OPRL1: variants seen among roughly 807,000 people sequenced by gnomAD.
OPRL1 encodes opioid related nociceptin receptor 1.
OPRL1 carries 5 observed loss-of-function variants against 15.5 expected under a neutral mutation model. That is an observed-to-expected ratio of 0.32 (90% confidence interval 0.17 to 0.68). The LOEUF (loss-of-function observed/expected upper bound fraction) is 0.68, where lower values mean the gene tolerates loss of function less well. Among genes scored for constraint, OPRL1 ranks in the 30% least tolerant of loss-of-function variants. OPRL1 has a pLI of 0.72. For synonymous variants in OPRL1, 223 were observed against 230.2 expected (o/e 0.97, Z 0.28); for missense variants, 406 against 515.3 (o/e 0.79, Z 2.05).
chr20:64,090,383 G>A lies in OPRL1; in HGVS notation c.-184-1583G>A, dbSNP rs1476184150. On this transcript the variant is annotated intron_variant, in intron 1 of 4. Transcript: ENST00000336866. This position sits in a 1 kb window ranked among gnomAD's most constrained non-coding sequence, Gnocchi z 4.9. Reference sequence around the variant, plus strand: ...TCCTGGGGGACAGCGAGGGATGCTGGGTCCTGGGGCATCTGCCTGTTCCGT... The same window carrying A: ...TCCTGGGGGACAGCGAGGGATGCTGAGTCCTGGGGCATCTGCCTGTTCCGT... Among the ~76,000 whole-genome samples the A allele has an allele frequency of 6.6e-6, 1 of 152,190 alleles. No homozygotes were observed. The highest frequency in any genetic ancestry group is 1.5e-5 in the Non-Finnish European group (1 of 68,034).
In OPRL1 at chr20:64,089,123, G is replaced by A. The variant is rs1156685566; in HGVS notation, c.-184-2843G>A. On this transcript the variant is annotated intron_variant, in intron 1 of 4. Transcript: ENST00000336866. This position sits in a 1 kb window ranked among gnomAD's most constrained non-coding sequence, Gnocchi z 5.5. ...TAGGCTGTTCAGCATGCCAGGGTCTGTGCTGGGGGTTTGCCGCAGGCACAA... is the reference window on the plus strand; with the variant it reads ...TAGGCTGTTCAGCATGCCAGGGTCTATGCTGGGGGTTTGCCGCAGGCACAA... Among the ~76,000 whole-genome samples, 3 of 152,080 alleles carry A rather than the reference G, an allele frequency of 2.0e-5. No individual in the cohort carries two copies. Among genetic ancestry groups the A allele is most frequent in the African/African-American group, 7.2e-5 (3 of 41,390 alleles).
chr20:64,096,792 C>T (rs1979166462), intron 3 of OPRL1, among the ~76,000 whole-genome samples: 1 of 151,796 alleles, frequency 6.6e-6, no homozygotes. Context: ...TCACCATCCT[C>T]ACCATCCTCA....
chr20:64,082,114 T>C (rs2059973712), intron 1 of OPRL1, among the ~76,000 whole-genome samples: 1 of 152,030 alleles, frequency 6.6e-6, no homozygotes, highest in South Asian at 2.1e-4. Context: ...CTGCAGGGAG[T>C]TTGGCCAGAC....
Position 64,083,738 on chromosome 20 carries a change from G to GC in OPRL1, c.-185+3390dup. ...GCCCGGGTAGCTGAGCGCGCGCCGA[G>GC]CCCCGCCCCGCCCCGCCCCGGCCGG... On this transcript the variant is annotated intron_variant, in intron 1 of 4. Transcript: ENST00000336866. This position sits in a 1 kb window ranked among gnomAD's most constrained non-coding sequence, Gnocchi z 4.9. 7.5e-7 allele frequency: 1 copy of GC among 1,326,752 alleles called. No homozygotes were observed. The highest frequency in any genetic ancestry group is 9.6e-7 in the Non-Finnish European group (1 of 1,042,688). The allele number at this position is 1,326,752 out of a possible 1,614,324, so 82.2% of individuals were successfully genotyped here.
In OPRL1 at chr20:64,099,603, C is replaced by T. The variant is rs1979599279; in HGVS notation, c.*804C>T. 1 of 152,700 alleles carries T rather than the reference C, an allele frequency of 6.5e-6. No individual in the cohort carries two copies. Among genetic ancestry groups the T allele is most frequent in the Non-Finnish European group, 1.5e-5 (1 of 68,430 alleles). The allele number at this position is 152,700 out of a possible 1,614,324, so 9.5% of individuals were successfully genotyped here. Reference sequence around the variant, plus strand: ...CAACCCCCATTTCCCTTCAGGAGACCAGCGAGAGGCCCTGGCCCATTCCCT... The same window carrying T: ...CAACCCCCATTTCCCTTCAGGAGACTAGCGAGAGGCCCTGGCCCATTCCCT... On this transcript the variant is annotated 3_prime_UTR_variant, in exon 5 of 5. Transcript: ENST00000336866.
chr20:64,086,565 G>A (rs1268565802), intron 1 of OPRL1: 1 of 197,600 alleles, frequency 5.1e-6, no homozygotes, highest in Non-Finnish European at 1.2e-5. Context: ...GTTTATTGCT[G>A]CCAAGGCCTG....
chr20:64,086,884 G>T (rs2060057777), intron 1 of OPRL1, among the ~76,000 whole-genome samples: 1 of 152,188 alleles, frequency 6.6e-6, no homozygotes, highest in Admixed American at 6.5e-5. Context: ...TGTGGAAGGA[G>T]GAGGGTAGAC....
At chr20:64,081,628 C>T (rs979940401) in intron 1 of OPRL1, among the ~76,000 whole-genome samples, 1 of 152,198 alleles carries the variant, frequency 6.6e-6, no homozygotes. Context: ...CAGTTGATGG[C>T]GGAGCTGGGA....
intron 1 of OPRL1, chr20:64,084,223 C>T (rs775015087): frequency 7.9e-6 from 11 of 1,398,244 alleles, no homozygotes; most frequent in Non-Finnish European, 1.0e-5. Flanking sequence ...GCGGCATCCT[C>T]CCGCCCTGCG....
rs149714677 is a variant in OPRL1, at chr20:64,080,723, T to G, written c.-185+371T>G. On this transcript the variant is annotated intron_variant, in intron 1 of 4. Coordinates refer to ENST00000336866, the MANE Select transcript of OPRL1 (RefSeq NM_182647.4). ...TGTGTCAGGGTGGCCCTGACCCTGC[T>G]CTGGAAGTGTCTGCAGAGCATCTGT... 6.1e-4 allele frequency among the ~76,000 whole-genome samples: 93 copies of G among 152,214 alleles called. 2 individuals are homozygous for G. In the East Asian group the frequency reaches 0.016, roughly 26 times the overall value.
In OPRL1 at chr20:64,100,111, G is replaced by GC. The variant is rs1201963831; in HGVS notation, c.*1312_*1313insC. 4.5e-5 allele frequency: 4 copies of GC among 88,788 alleles called. No individual in the cohort carries two copies. The highest frequency in any genetic ancestry group is 2.1e-4 in the African/African-American group (4 of 19,442). 5.5% of individuals were successfully genotyped at this position (88,788 alleles called of 1,614,324 possible). A position where few individuals can be genotyped will look rare whatever the true frequency, so the allele number is the denominator to read the frequency against. Reference sequence around the variant, plus strand: ...GGCTGTGAGGACACTGCGGGGGTTGGGGGGGGGGCGTCTGTACCTCAGGGG... The same window carrying GC: ...GGCTGTGAGGACACTGCGGGGGTTGGCGGGGGGGGCGTCTGTACCTCAGGGG... On this transcript the variant is annotated 3_prime_UTR_variant, in exon 5 of 5. Coordinates refer to ENST00000336866, the MANE Select transcript of OPRL1 (RefSeq NM_182647.4).
rs1373981643 is a variant in OPRL1 at position 64,088,935 on chromosome 20, G to C, written c.-184-3031G>C. Among the ~76,000 whole-genome samples, 11 of 57,032 alleles carry C rather than the reference G, an allele frequency of 1.9e-4. 2 individuals are homozygous for C. Among genetic ancestry groups the C allele is most frequent in the African/African-American group, 2.5e-4 (4 of 15,962 alleles). 37.4% of individuals were successfully genotyped at this position (57,032 alleles called of 152,430 possible). On this transcript the variant is annotated intron_variant, in intron 1 of 4. Transcript: ENST00000336866. ...AGAGTGGCCAGGATCTGTGCAAGGG[G>C]TAGGATCTGTGCAGAGTGGCCAGGG...
At position 64,080,088 on chromosome 20, in the gene OPRL1, C is replaced by A; in HGVS notation, c.-449C>A. The A allele has an allele frequency of 1.3e-5, 2 of 149,916 alleles. No homozygotes were observed. The highest frequency in any genetic ancestry group is 3.8e-4 in the South Asian group (2 of 5,272). 9.3% of individuals were successfully genotyped at this position (149,916 alleles called of 1,614,324 possible). On this transcript the variant is annotated 5_prime_UTR_variant, in exon 1 of 5. Transcript: ENST00000336866. The stretch of plus-strand genomic sequence containing the variant: ...TCGGCCGGCTCCGCACCCCACCCGC[C>A]CCGCCCGCGCGTCGGCCCCCACAGT...
intron 1 of OPRL1, among the ~76,000 whole-genome samples, chr20:64,080,657 C>T (rs1295998316): frequency 6.6e-6 from 1 of 152,192 alleles, no homozygotes; most frequent in East Asian, 1.9e-4. Context: ...TGACTCGGTA[C>T]AGACGTGGGT....
chr20:64,084,292 G>T (rs1397566825), intron 1 of OPRL1: 65 of 1,304,982 alleles, frequency 5.0e-5, no homozygotes, highest in Non-Finnish European at 6.1e-5. Context: ...CCGCCCCTCG[G>T]CAGGGCCCCA....
At chr20:64,081,054 G>T (rs1022874202) in intron 1 of OPRL1, among the ~76,000 whole-genome samples, 5 of 151,964 alleles carry the variant, frequency 3.3e-5, no homozygotes, top group Non-Finnish European at 7.4e-5. Flanking sequence ...AGAGTGAGTT[G>T]TGGGGAGCAG....
rs1227621820 is a variant in OPRL1, at chr20:64,088,732, A to AGGGAGGCC, written c.-184-3234_-184-3233insGGGAGGCC. ...TGTGCAGAGTGGCCAGGATCTGTGC[A>AGGGAGGCC]AGGGGTAGGATCTGTGCAGAGTGGC... On this transcript the variant is annotated intron_variant, in intron 1 of 4. Coordinates refer to ENST00000336866, the MANE Select transcript of OPRL1 (RefSeq NM_182647.4). 9.5e-4 allele frequency among the ~76,000 whole-genome samples: 12 copies of AGGGAGGCC among 12,570 alleles called. 2 individuals carry two copies. The highest frequency in any genetic ancestry group is 2.5e-3 in the South Asian group (1 of 396). 8.2% of individuals were successfully genotyped at this position (12,570 alleles called of 152,430 possible).
chr20:64,095,968 T>C (rs567305038), intron 3 of OPRL1, among the ~76,000 whole-genome samples: 16 of 152,076 alleles, frequency 1.1e-4, no homozygotes, highest in Non-Finnish European at 2.1e-4. Context: ...AGGTGATGCG[T>C]GGTCAGACGA....
rs200326446 is a variant in OPRL1 at position 64,098,453 on chromosome 20, G to A, written c.767G>A (p.Arg256Gln). ...CTCTCGGGCTCCCGAGAGAAGGACC[G>A]GAACCTGCGGCGCATCACTCGGCTG... is the stretch of plus-strand genomic sequence containing the variant. ...RLLSGSREKD[R>Q]NLRRITRLVL... Residue 256 changes from arginine to glutamine, a missense_variant, in exon 5 of 5, where the codon CGG becomes CAG. Arg to Gln is a conservative substitution (Grantham distance 43). Transcript: ENST00000336866. The A allele has an allele frequency of 6.6e-4, 1,066 of 1,613,386 alleles. 3 individuals are homozygous for A. Among genetic ancestry groups the A allele is most frequent in the South Asian group, 4.5e-3 (413 of 91,086 alleles).
Sources: allele counts gnomAD v4.1 joint callset (sites outside exome capture counted in the v4.1 genomes callset), GRCh38; gene constraint gnomAD v4.1.1; non-coding constraint Gnocchi (gnomAD v3.1); transcripts MANE v1.5; gene names NCBI Gene and HGNC (gene_info 2026-07-23, HGNC 2026-07-21).